The following ANKRD45 variants were observed in gnomAD, a reference collection of about 807,000 sequenced individuals.
The protein encoded by ANKRD45 is ankyrin repeat domain-containing protein 45.
Under a neutral mutation model 28.1 loss-of-function variants are expected in ANKRD45, and 21 were observed. That is an observed-to-expected ratio of 0.75 (90% CI 0.53 to 1.08). ANKRD45 has a LOEUF of 1.08. Ranked by LOEUF, ANKRD45 falls within the 50% of genes least tolerant of loss-of-function variation. The pLI is 0.00. For missense variants in ANKRD45, 261 were observed against 308.7 expected (o/e 0.85, Z 1.16); for synonymous variants, 86 against 103.9 (o/e 0.83, Z 1.05).
chr1:173,666,450 T>A (rs1325148454), intron 1 of ANKRD45, among the ~76,000 whole-genome samples: 6 of 152,232 alleles, frequency 3.9e-5, no homozygotes, highest in Non-Finnish European at 8.8e-5. Flanking sequence ...CCATGGATGT[T>A]CAAGTGCCTT....
At chr1:173,635,666 G>A in intron 3 of ANKRD45, 4 of 1,535,428 alleles carry the variant, frequency 2.6e-6, no homozygotes, top group South Asian at 1.2e-5. Context: ...GAAAGTTAAG[G>A]GTTCTCCATC....
intron 2 of ANKRD45, among the ~76,000 whole-genome samples, chr1:173,655,807 A>G (rs1247459717): frequency 1.3e-5 from 2 of 152,218 alleles, no homozygotes; most frequent in African/African-American, 4.8e-5. Flanking sequence ...AGCCTCAGCA[A>G]TGGCAGATGC....
the ANKRD45 span, among the ~76,000 whole-genome samples, chr1:173,691,484 G>T: frequency 6.6e-6 from 1 of 152,160 alleles, no homozygotes; most frequent in South Asian, 2.1e-4. Flanking sequence ...TCTCAGCAAG[G>T]CCAGGTACTT....
chr1:173,609,642 G>T lies in ANKRD45; in HGVS notation c.*503C>A, dbSNP rs1667060224. On this transcript the variant is annotated 3_prime_UTR_variant, in exon 6 of 6. Transcript: ENST00000333279. ...AGATAAAGAGGGGTTTTACTCAGAG[G>T]TATACCCCACCTCACAGGTGAAATT... The T allele has an allele frequency of 6.5e-6, 1 of 154,018 alleles. No individual in the cohort carries two copies. Among genetic ancestry groups the T allele is most frequent in the African/African-American group, 2.4e-5 (1 of 41,426 alleles). The allele number at this position is 154,018 out of a possible 1,614,324, so 9.5% of individuals were successfully genotyped here.
chr1:173,632,430 A>G (rs1035180827), intron 3 of ANKRD45, among the ~76,000 whole-genome samples: 1 of 151,946 alleles, frequency 6.6e-6, no homozygotes, highest in African/African-American at 2.4e-5. Flanking sequence ...TACCATTCCT[A>G]CTCAAACTAT....
intron 3 of ANKRD45, among the ~76,000 whole-genome samples, chr1:173,631,984 A>T (rs1571717319): frequency 6.6e-6 from 1 of 152,138 alleles, no homozygotes; most frequent in Non-Finnish European, 1.5e-5. Context: ...AAAATAAATA[A>T]AAAAGATCAG....
intron 2 of ANKRD45, among the ~76,000 whole-genome samples, chr1:173,655,404 T>C (rs777445762): frequency 1.1e-4 from 16 of 152,218 alleles, no homozygotes; most frequent in Non-Finnish European, 2.1e-4. Context: ...CAGACCTGTT[T>C]GCTTGGGTAT....
chr1:173,712,138 T>A, the ANKRD45 span, among the ~76,000 whole-genome samples: 4 of 152,156 alleles, frequency 2.6e-5, no homozygotes, highest in African/African-American at 9.7e-5. Context: ...CTTTCACATA[T>A]GAAAAATGTT....
chr1:173,702,778 G>A, the ANKRD45 span, among the ~76,000 whole-genome samples: 2 of 146,578 alleles, frequency 1.4e-5, no homozygotes, highest in African/African-American at 5.1e-5. Context: ...CTGAAATGCA[G>A]TGGTGCAATC....
chr1:173,689,092 C>G, the ANKRD45 span, among the ~76,000 whole-genome samples: 1 of 152,264 alleles, frequency 6.6e-6, no homozygotes, highest in African/African-American at 2.4e-5. Context: ...AGCCCCTGAC[C>G]CCCCTACTCT....
chr1:173,613,819 G>T (rs968808823), intron 5 of ANKRD45, among the ~76,000 whole-genome samples: 41 of 152,350 alleles, frequency 2.7e-4, no homozygotes, highest in Admixed American at 2.4e-3. Flanking sequence ...CGGTTTTGTG[G>T]AATAGAAAAG....
intron 2 of ANKRD45, among the ~76,000 whole-genome samples, chr1:173,654,886 A>G (rs1411036530): frequency 7.2e-5 from 11 of 152,098 alleles, no homozygotes; most frequent in Non-Finnish European, 4.4e-5. Context: ...ACTTGATCGA[A>G]TTGGCTACTG....
At chr1:173,668,639 T>G (rs1329244347) in intron 1 of ANKRD45, among the ~76,000 whole-genome samples, 8 of 152,194 alleles carry the variant, frequency 5.3e-5, no homozygotes, top group Non-Finnish European at 1.2e-4. Context: ...AATTAAACAC[T>G]AGCCAAAGAA....
chr1:173,625,688 A>AG (rs1373803446), intron 4 of ANKRD45, among the ~76,000 whole-genome samples: 18 of 152,190 alleles, frequency 1.2e-4, no homozygotes, highest in African/African-American at 4.3e-4. Context: ...CTTATTGAGA[A>AG]GGAAAAAAAG....
At chr1:173,619,069 T>A (rs1667591927) in intron 5 of ANKRD45, among the ~76,000 whole-genome samples, 1 of 152,166 alleles carries the variant, frequency 6.6e-6, no homozygotes, top group Admixed American at 6.5e-5. Context: ...ATAAGATCCT[T>A]TTCAGACAAG....
chr1:173,625,075 A>T, intron 4 of ANKRD45, 150 bp from the exon 5 acceptor site: 1 of 688,532 alleles, frequency 1.5e-6, no homozygotes, highest in Non-Finnish European at 2.2e-6. Context: ...CATTAGATAT[A>T]AATAGCTATT....
intron 5 of ANKRD45, among the ~76,000 whole-genome samples, chr1:173,616,408 G>A (rs1260845317): frequency 6.6e-6 from 1 of 152,140 alleles, no homozygotes; most frequent in Admixed American, 6.5e-5. Context: ...CAGGGCTTGA[G>A]GGAGGGAAGA....
At chr1:173,692,534 T>C in the ANKRD45 span, among the ~76,000 whole-genome samples, 1 of 152,168 alleles carries the variant, frequency 6.6e-6, no homozygotes, top group East Asian at 1.9e-4. Context: ...AGCTTGACTT[T>C]TCCCTTTAGC....
At chr1:173,712,064 A>G in the ANKRD45 span, among the ~76,000 whole-genome samples, 1 of 152,268 alleles carries the variant, frequency 6.6e-6, no homozygotes, top group Non-Finnish European at 1.5e-5. Context: ...TACGGAAAAA[A>G]TAGGAGTCAC....
Sources: gnomAD v4.1 joint callset for allele counts (sites outside exome capture counted in the v4.1 genomes callset) on GRCh38, gnomAD v4.1.1 for gene constraint, MANE v1.5 for transcripts, NCBI Gene and HGNC (gene_info 2026-07-23, HGNC 2026-07-21) for gene names.